ROBO1: variants seen among roughly 807,000 people sequenced by gnomAD.
ROBO1 encodes roundabout homolog 1.
A neutral mutation model predicts 195.9 loss-of-function variants in ROBO1; 149 were observed. The ratio of observed to expected loss-of-function variants is 0.76; its 90% confidence interval spans 0.67 to 0.87. The LOEUF is 0.87. Among genes scored for constraint, ROBO1 ranks in the 40% least tolerant of loss-of-function variants. The pLI is 0.00. For synonymous variants in ROBO1, 816 were observed against 733.2 expected (o/e 1.11, Z -1.82); for missense variants, 1,933 against 2,068.3 (o/e 0.93, Z 1.27).
chr3:79,070,982 G>C (rs2079078720), intron 3 of ROBO1, among the ~76,000 whole-genome samples: 1 of 151,692 alleles, frequency 6.6e-6, no homozygotes, highest in Non-Finnish European at 1.5e-5. Context: ...TGTACAATGT[G>C]ATGTTTTCAT....
In ROBO1 at chr3:79,547,141, T is replaced by C. The variant is rs573575275; in HGVS notation, c.88+42683A>G. Among the ~76,000 whole-genome samples, 45 of 120,240 alleles carry C rather than the reference T, an allele frequency of 3.7e-4. 1 individual carries two copies. The highest frequency in any genetic ancestry group is 2.6e-3 in the Admixed American group (23 of 8,730). 78.9% of individuals were successfully genotyped at this position (120,240 alleles called of 152,430 possible). On this transcript the variant is annotated intron_variant, in intron 2 of 30. Coordinates refer to ENST00000464233, the MANE Select transcript of ROBO1 (RefSeq NM_002941.4). ...TGGAGCTTGCAGTGAGCCGAGATCG[T>C]GCCACTGCACTCCAGCCTGGCAGAC... is the stretch of plus-strand genomic sequence containing the variant.
intron 4 of ROBO1, among the ~76,000 whole-genome samples, chr3:78,848,574 A>G (rs1053754279): frequency 1.3e-5 from 2 of 152,110 alleles, no homozygotes; most frequent in East Asian, 3.9e-4. Context: ...GGGAGGGGCC[A>G]AGTGGGCATC....
chr3:79,039,872 C>T (rs1173116874), intron 3 of ROBO1, among the ~76,000 whole-genome samples: 1 of 145,330 alleles, frequency 6.9e-6, no homozygotes, highest in East Asian at 2.1e-4. Flanking sequence ...TAGCTTCAGT[C>T]TCAGTTTTCT....
chr3:79,064,038 A>G (rs564087621), intron 3 of ROBO1, among the ~76,000 whole-genome samples: 18 of 151,982 alleles, frequency 1.2e-4, no homozygotes, highest in African/African-American at 4.1e-4. Context: ...CAGTAGAGCA[A>G]CCGTAGCTAA....
chr3:78,824,414 G>T (rs2031377404), intron 4 of ROBO1, among the ~76,000 whole-genome samples: 1 of 152,082 alleles, frequency 6.6e-6, no homozygotes, highest in African/African-American at 2.4e-5. Context: ...AGTTAGAAAA[G>T]ATTCATTGTT....
At chr3:79,663,237 C>A (rs554206156) in intron 1 of ROBO1, among the ~76,000 whole-genome samples, 17 of 152,046 alleles carry the variant, frequency 1.1e-4, no homozygotes, top group Admixed American at 1.0e-3. Flanking sequence ...AAAAGCCACA[C>A]TTCTATACCA....
chr3:79,558,411 G>C (rs557330485), intron 2 of ROBO1, among the ~76,000 whole-genome samples: 1 of 152,196 alleles, frequency 6.6e-6, no homozygotes, highest in East Asian at 1.9e-4. Flanking sequence ...CTTATTGTAA[G>C]AATACAGTGT....
intron 4 of ROBO1, among the ~76,000 whole-genome samples, chr3:78,770,689 A>G (rs962024766): frequency 2.0e-5 from 3 of 152,162 alleles, no homozygotes; most frequent in African/African-American, 7.2e-5. Context: ...ACATAGTCCT[A>G]AGTTCTTTTG....
At chr3:79,159,439 T>G (rs2080916343) in intron 2 of ROBO1, among the ~76,000 whole-genome samples, 1 of 152,016 alleles carries the variant, frequency 6.6e-6, no homozygotes, top group African/African-American at 2.4e-5. Flanking sequence ...TTGATTGTGC[T>G]CCTGAGGAAC....
chr3:79,457,057 A>G (rs2039640170), intron 2 of ROBO1, among the ~76,000 whole-genome samples: 1 of 152,192 alleles, frequency 6.6e-6, no homozygotes, highest in African/African-American at 2.4e-5. Context: ...CTGGACACTT[A>G]AATTCTCAAA....
chr3:78,975,282 T>C (rs935407311), intron 3 of ROBO1, among the ~76,000 whole-genome samples: 2 of 152,202 alleles, frequency 1.3e-5, no homozygotes, highest in Non-Finnish European at 2.9e-5. Flanking sequence ...TAGCTCTGAA[T>C]ATATCATAGC....
intron 4 of ROBO1, among the ~76,000 whole-genome samples, chr3:78,799,108 GAT>G (rs2084275743): frequency 6.6e-6 from 1 of 152,088 alleles, no homozygotes. Flanking sequence ...TCTTCTCTTT[GAT>G]TGCTACAAAT....
At chr3:79,112,102 A>C (rs2079896928) in intron 3 of ROBO1, among the ~76,000 whole-genome samples, 1 of 152,154 alleles carries the variant, frequency 6.6e-6, no homozygotes, top group South Asian at 2.1e-4. Flanking sequence ...CCCATTTCTT[A>C]TTACTTTGTT....
intron 2 of ROBO1, among the ~76,000 whole-genome samples, chr3:79,424,592 G>A (rs771700431): frequency 4.6e-5 from 7 of 152,034 alleles, no homozygotes; most frequent in Non-Finnish European, 7.4e-5. Context: ...ACAAAGCTCC[G>A]TTTCTCATGG....
chr3:79,077,831 T>G (rs777219442), intron 3 of ROBO1, among the ~76,000 whole-genome samples: 8 of 151,844 alleles, frequency 5.3e-5, no homozygotes, highest in Non-Finnish European at 1.2e-4. Context: ...AGTCCTAAAA[T>G]TTTTGTTGTC....
chr3:79,115,868 T>C (rs1183629416), intron 3 of ROBO1, among the ~76,000 whole-genome samples: 3 of 152,150 alleles, frequency 2.0e-5, no homozygotes, highest in Admixed American at 2.0e-4. Context: ...GTGGTTATCA[T>C]GCACAACATT....
chr3:78,652,464 T>A (rs945136815), intron 18 of ROBO1, among the ~76,000 whole-genome samples: 1 of 152,146 alleles, frequency 6.6e-6, no homozygotes, highest in African/African-American at 2.4e-5. Context: ...TCTATGTGTG[T>A]GCATGTGTGT....
At chr3:79,520,314 A>G (rs1047486969) in intron 2 of ROBO1, among the ~76,000 whole-genome samples, 3 of 152,168 alleles carry the variant, frequency 2.0e-5, no homozygotes, top group Non-Finnish European at 4.4e-5. Flanking sequence ...CTTCTAAAAC[A>G]CAAGTGAAGA....
At chr3:78,962,232 G>GCAAAGTGCCTGTGCTT (rs1158991905) in intron 3 of ROBO1, among the ~76,000 whole-genome samples, 1 of 152,146 alleles carries the variant, frequency 6.6e-6, no homozygotes, top group African/African-American at 2.4e-5. Context: ...GCCTGTTCAG[G>GCAAAGTGCCTGTGCTT]CAAAGTGCCT....
Sources: gnomAD v4.1 joint callset for allele counts (sites outside exome capture counted in the v4.1 genomes callset) on GRCh38, gnomAD v4.1.1 for gene constraint, MANE v1.5 for transcripts, NCBI Gene and HGNC (gene_info 2026-07-23, HGNC 2026-07-21) for gene names.